Variants in TNRC6C observed in about 807,000 individuals in gnomAD.
The protein encoded by TNRC6C is trinucleotide repeat-containing gene 6C protein.
In TNRC6C, 20 loss-of-function variants were observed where a neutral mutation model predicts 153.7. The ratio of observed to expected loss-of-function variants is 0.13; its 90% CI spans 0.09 to 0.19. The LOEUF (loss-of-function observed/expected upper bound fraction) is 0.19. TNRC6C is among the 10% of genes least tolerant of loss of function. The pLI, the probability that TNRC6C is intolerant of heterozygous loss-of-function variation, is 1.00. For synonymous variants in TNRC6C, 811 were observed against 841.4 expected, an observed-to-expected ratio of 0.96 and a Z score of 0.63; for missense variants, 1,987 against 2,172.0, an observed-to-expected ratio of 0.91 and a Z score of 1.69.
At chr17:77,963,391 T>A (rs978125872) in intron 1 of TNRC6C, among the ~76,000 whole-genome samples, 1 of 152,228 alleles carries the variant, frequency 6.6e-6, no homozygotes, top group Non-Finnish European at 1.5e-5. Flanking sequence ...TATGTAATTT[T>A]AAAAAATCTC....
intron 1 of TNRC6C, among the ~76,000 whole-genome samples, chr17:77,968,140 C>T (rs1034636408): frequency 7.9e-5 from 12 of 152,326 alleles, no homozygotes; most frequent in African/African-American, 2.4e-4. Context: ...TCAAGCGATT[C>T]TCCTCCCTCA....
exon 3 of TNRC6C, chr17:78,050,555 T>C (rs775901517): frequency 1.9e-6 from 3 of 1,613,032 alleles, no homozygotes; most frequent in East Asian, 4.5e-5. Flanking sequence ...GGGTCCATCA[T>C]GAACAGTACA....
chr17:78,086,327 CT>C (rs2073283442), intron 11 of TNRC6C, among the ~76,000 whole-genome samples, 175 bp from the exon 14 acceptor site: 1 of 49,540 alleles, frequency 2.0e-5, no homozygotes, highest in African/African-American at 8.3e-5. Flanking sequence ...GAGACTCCAT[CT>C]AAAAAAAAAA....
upstream of TNRC6C, among the ~76,000 whole-genome samples, chr17:77,999,465 A>G (rs2071378906): frequency 6.6e-6 from 1 of 152,168 alleles, no homozygotes; most frequent in Non-Finnish European, 1.5e-5. Context: ...TGTTTATATT[A>G]TACTTTGTCC....
exon 20 of TNRC6C, chr17:78,107,991 A>T (rs1460212901): frequency 2.0e-5 from 3 of 152,216 alleles, no homozygotes; most frequent in Non-Finnish European, 4.4e-5. Flanking sequence ...CTAACCCCAG[A>T]ATCTCAGGTG....
chr17:78,020,636 T>C (rs188449556), intron 1 of TNRC6C, among the ~76,000 whole-genome samples: 29 of 152,368 alleles, frequency 1.9e-4, no homozygotes, highest in Admixed American at 4.6e-4. Flanking sequence ...TCATTTTAAA[T>C]AGGCTAGTTG....
intron 1 of TNRC6C, among the ~76,000 whole-genome samples, chr17:77,987,601 G>T (rs983312123): frequency 1.3e-5 from 2 of 152,150 alleles, no homozygotes; most frequent in African/African-American, 4.8e-5. Context: ...AGCAACCGGG[G>T]AATTAAGTAA....
chr17:78,091,396 C>A, intron 13 of TNRC6C, 44 bp from the exon 16 acceptor site: 7 of 1,509,674 alleles, frequency 4.6e-6, no homozygotes, highest in South Asian at 2.6e-5. Context: ...AGAATGAAGT[C>A]ATTTAGAGGA....
chr17:78,016,270 C>A (rs1040587125), intron 1 of TNRC6C, among the ~76,000 whole-genome samples: 2 of 152,238 alleles, frequency 1.3e-5, no homozygotes, highest in African/African-American at 4.8e-5. Flanking sequence ...GTGGCCCCTG[C>A]ACAGAAACTG....
chr17:78,038,603 C>T (rs967317822), intron 2 of TNRC6C, among the ~76,000 whole-genome samples: 16 of 149,694 alleles, frequency 1.1e-4, no homozygotes, highest in East Asian at 4.0e-4. Context: ...GCCGTGAACC[C>T]GGGAGGCGGA....
At chr17:78,016,970 G>A (rs773384140) in intron 1 of TNRC6C, among the ~76,000 whole-genome samples, 1 of 152,148 alleles carries the variant, frequency 6.6e-6, no homozygotes, top group Non-Finnish European at 1.5e-5. Flanking sequence ...CAAAGAAGTG[G>A]CAGAGCTGAA....
At chr17:78,082,641 C>T (rs1355838993) in intron 10 of TNRC6C, among the ~76,000 whole-genome samples, 1 of 152,196 alleles carries the variant, frequency 6.6e-6, no homozygotes, top group Non-Finnish European at 1.5e-5. Context: ...GTAACCCTAT[C>T]TTATCCATAT....
intron 1 of TNRC6C, among the ~76,000 whole-genome samples, chr17:77,986,389 GACA>G (rs975773081): frequency 7.8e-6 from 1 of 128,290 alleles, no homozygotes; most frequent in African/African-American, 3.0e-5. Flanking sequence ...CTCCAGCCTG[GACA>G]ACAAGAGTGA....
At chr17:78,027,743 A>G (rs1238076959) in intron 1 of TNRC6C, among the ~76,000 whole-genome samples, 1 of 152,214 alleles carries the variant, frequency 6.6e-6, no homozygotes, top group Non-Finnish European at 1.5e-5. Context: ...GTGCACTGAC[A>G]TGGCATCATA....
chr17:78,020,227 A>G (rs563385169), intron 1 of TNRC6C, among the ~76,000 whole-genome samples: 1 of 152,360 alleles, frequency 6.6e-6, no homozygotes, highest in South Asian at 2.1e-4. Context: ...ACTACCAGCC[A>G]TAGCATTAGC....
In TNRC6C at chr17:78,049,579, A is replaced by G; in HGVS notation, c.517A>G (p.Ser173Gly). Reference sequence around the variant, plus strand: ...GTCCACTTCTCAGAATGTGTCTTTCAGCGCACAACCTCAGAACCTTAACAC... The same window carrying G: ...GTCCACTTCTCAGAATGTGTCTTTCGGCGCACAACCTCAGAACCTTAACAC... The change falls in exon 3 of 20, where the codon AGC (serine) becomes GGC (glycine). Residue 173 changes from serine to glycine, a missense_variant. Physicochemically the swap from Ser to Gly is moderately conservative, Grantham distance 56. Coordinates refer to ENST00000301624, the Ensembl canonical transcript of TNRC6C. The surrounding 1 kb of genome is among the most constrained non-coding windows in gnomAD (Gnocchi z 4.1). 6.2e-7 allele frequency: 1 copy of G among 1,614,006 alleles called. No homozygotes were observed. The highest frequency in any genetic ancestry group is 1.1e-5 in the South Asian group (1 of 91,074).
intron 3 of TNRC6C, among the ~76,000 whole-genome samples, chr17:78,055,055 C>T (rs560118358): frequency 8.5e-5 from 13 of 152,328 alleles, no homozygotes; most frequent in Non-Finnish European, 1.2e-4. Flanking sequence ...CAGAGTACTG[C>T]GCACCACTGT....
intron 1 of TNRC6C, among the ~76,000 whole-genome samples, chr17:77,993,784 T>C (rs2071287265): frequency 6.6e-6 from 1 of 152,240 alleles, no homozygotes; most frequent in African/African-American, 2.4e-5. Flanking sequence ...TTATGAAATT[T>C]AAGTTTTTAC....
intron 2 of TNRC6C, among the ~76,000 whole-genome samples, chr17:78,040,355 T>C (rs2143841674): frequency 6.6e-6 from 1 of 152,312 alleles, no homozygotes; most frequent in South Asian, 2.1e-4. Flanking sequence ...AATAATAAGT[T>C]CTTGTGCCAA....
Sources: gnomAD v4.1 joint callset for allele counts (sites outside exome capture counted in the v4.1 genomes callset) on GRCh38, gnomAD v4.1.1 for gene constraint, Gnocchi (gnomAD v3.1) non-coding constraint, MANE v1.5 for transcripts, NCBI Gene and HGNC (gene_info 2026-07-23, HGNC 2026-07-21) for gene names.